BCAS3: variants seen among roughly 807,000 people sequenced by gnomAD.
BCAS3 encodes BCAS3 microtubule associated cell migration factor.
A neutral mutation model predicts 116.1 loss-of-function variants in BCAS3; 53 were observed. The observed-to-expected ratio is 0.46, with a 90% CI of 0.37 to 0.57. The LOEUF is 0.57. BCAS3 is among the 20% of genes least tolerant of loss of function. The probability of loss-of-function intolerance (pLI) is 0.00; values close to 1 mark genes in which losing one functional copy is unlikely to be tolerated. For missense variants in BCAS3, 917 were observed against 1,165.4 expected, an observed-to-expected ratio of 0.79 and a Z score of 3.10; for synonymous variants, 391 against 408.2, an observed-to-expected ratio of 0.96 and a Z score of 0.51.
In BCAS3 at chr17:61,007,808, GTA is replaced by G. The variant is rs2064823879; in HGVS notation, c.1487-7942_1487-7941del. Among the ~76,000 whole-genome samples the G allele has an allele frequency of 6.6e-6, 1 of 151,976 alleles. No homozygotes were observed. Among genetic ancestry groups the G allele is most frequent in the African/African-American group, 2.4e-5 (1 of 41,388 alleles). On this transcript the variant is annotated intron_variant, in intron 15 of 23. Transcript: ENST00000407086. The surrounding 1 kb of genome is among the most constrained non-coding windows in gnomAD (Gnocchi z 4.3). ...CTCACCCTTTCTCAAAGTACCTACA[GTA>G]ATGTCTATGGTGACGTGAACTTTTT...
chr17:61,084,521 C>G lies in BCAS3; in HGVS notation c.2382C>G (p.Val794=). 6.2e-7 allele frequency: 1 copy of G among 1,614,172 alleles called. No individual in the cohort carries two copies. The highest frequency in any genetic ancestry group is 8.5e-7 in the Non-Finnish European group (1 of 1,180,016). ...PVSMPGSSRP[V]SDRRGVSTVI... is the part of the protein sequence containing the mutation. ...GCATGCCAGGGTCATCCCGTCCAGT[C>G]TCTGATCGAAGGGGAGTTTCCACAG... The change falls in exon 22 of 24, where the codon GTC becomes GTG. Residue 794 remains valine (V), a synonymous_variant. Coordinates refer to ENST00000407086, the MANE Select transcript of BCAS3 (RefSeq NM_017679.5). The surrounding 1 kb of genome is among the most constrained non-coding windows in gnomAD (Gnocchi z 5.5).
chr17:61,032,331 T>G lies in BCAS3; in HGVS notation c.1638-2335T>G, dbSNP rs1435427621. On this transcript the variant is annotated intron_variant, in intron 16 of 23. Transcript: ENST00000407086. This position sits in a 1 kb window ranked among gnomAD's most constrained non-coding sequence, Gnocchi z 4.6. The stretch of plus-strand genomic sequence containing the variant: ...TAGTAGCTTTGTTCTCTGATGGTGA[T>G]TCTAGTAAAAGCACATAGTCGCACA... Among the ~76,000 whole-genome samples, 1 of 152,134 alleles carries G rather than the reference T, an allele frequency of 6.6e-6. No individual in the cohort carries two copies. Among genetic ancestry groups the G allele is most frequent in the Non-Finnish European group, 1.5e-5 (1 of 67,996 alleles).
At chr17:61,336,135 G>T (rs370652937) in intron 22 of BCAS3, among the ~76,000 whole-genome samples, 1 of 152,258 alleles carries the variant, frequency 6.6e-6, no homozygotes, top group Admixed American at 6.5e-5. Flanking sequence ...TCCCTGGTTT[G>T]CAAAGCAAAC....
chr17:61,079,842 C>T (rs964607919), intron 21 of BCAS3, among the ~76,000 whole-genome samples: 10 of 150,496 alleles, frequency 6.6e-5, no homozygotes, highest in Admixed American at 2.0e-4. Context: ...GTGATCCTCC[C>T]GCCTTGGCCT....
At position 60,995,490 on chromosome 17, in the gene BCAS3, G is replaced by A. The variant is rs11867712; in HGVS notation, c.1486+5255G>A. ...TTTTTGTATTTTAAGTAGAGACTGG[G>A]TTTCACAATGTTGGCCAGGCTGGTC... On this transcript the variant is annotated intron_variant, in intron 15 of 23. Coordinates refer to ENST00000407086, the MANE Select transcript of BCAS3 (RefSeq NM_017679.5). This position sits in a 1 kb window ranked among gnomAD's most constrained non-coding sequence, Gnocchi z 4.7. 1.8e-3 allele frequency among the ~76,000 whole-genome samples: 278 copies of A among 151,750 alleles called. 2 individuals are homozygous for A. Among genetic ancestry groups the A allele is most frequent in the Middle Eastern group, 0.014 (4 of 294 alleles).
intron 22 of BCAS3, among the ~76,000 whole-genome samples, chr17:61,247,306 T>C (rs1159828219): frequency 1.3e-5 from 2 of 152,174 alleles, no homozygotes; most frequent in African/African-American, 4.8e-5. Flanking sequence ...AGGAAAACAC[T>C]TGAAAACTAG....
rs1055758590 is a variant in BCAS3 at position 61,214,133 on chromosome 17, C to T, written c.2425+129569C>T. ...CTGTAATCCCAGCATTTTGGGAGAC[C>T]TCACAAGGATCACGTGAGGTCAGGA... On this transcript the variant is annotated intron_variant, in intron 22 of 23. Coordinates refer to ENST00000407086, the MANE Select transcript of BCAS3 (RefSeq NM_017679.5). The surrounding 1 kb of genome is among the most constrained non-coding windows in gnomAD (Gnocchi z 4.4). Among the ~76,000 whole-genome samples the T allele has an allele frequency of 6.6e-6, 1 of 151,978 alleles. No individual in the cohort carries two copies. Among genetic ancestry groups the T allele is most frequent in the African/African-American group, 2.4e-5 (1 of 41,362 alleles).
intron 6 of BCAS3, among the ~76,000 whole-genome samples, chr17:60,779,632 G>A (rs1374932083): frequency 6.6e-6 from 1 of 152,174 alleles, no homozygotes; most frequent in Non-Finnish European, 1.5e-5. Context: ...GCCTCCCAAA[G>A]TACTGGGATT....
At chr17:61,206,594 G>C (rs1461902984) in intron 22 of BCAS3, among the ~76,000 whole-genome samples, 1 of 151,962 alleles carries the variant, frequency 6.6e-6, no homozygotes, top group Non-Finnish European at 1.5e-5. Context: ...GAGGTCAGGA[G>C]TTCGAGACCA....
rs57701817 is a variant in BCAS3, at chr17:61,338,888, GAAAAAAAAAAAAAA to G, written c.2426-29424_2426-29411del. Among the ~76,000 whole-genome samples the G allele has an allele frequency of 3.6e-3, 242 of 67,332 alleles. 2 individuals carry two copies. Among genetic ancestry groups the G allele is most frequent in the African/African-American group, 7.0e-3 (152 of 21,666 alleles). 44.2% of individuals were successfully genotyped at this position (67,332 alleles called of 152,430 possible). Reference sequence around the variant, plus strand: ...GAAGCCTATCTGGTGCCCTTACTGGGAAAAAAAAAAAAAAAAAAAAAAAAAAAAGCAGAAAGGAA... The same window carrying G: ...GAAGCCTATCTGGTGCCCTTACTGGGAAAAAAAAAAAAAAGCAGAAAGGAA... On this transcript the variant is annotated intron_variant, in intron 22 of 23. Transcript: ENST00000407086.
rs1310441190 is a variant in BCAS3, at chr17:60,967,517, C to G, written c.1221+20165C>G. On this transcript the variant is annotated intron_variant, in intron 14 of 23. Coordinates refer to ENST00000407086, the MANE Select transcript of BCAS3 (RefSeq NM_017679.5). This position sits in a 1 kb window ranked among gnomAD's most constrained non-coding sequence, Gnocchi z 4.7. ...TTTCATTATTATACGTGTTAGAGTA[C>G]TTTTATTTGGGTTGAGTGTTGTTCT... 6.6e-6 allele frequency among the ~76,000 whole-genome samples: 1 copy of G among 152,118 alleles called. No individual in the cohort carries two copies. The highest frequency in any genetic ancestry group is 1.5e-5 in the Non-Finnish European group (1 of 68,030).
intron 7 of BCAS3, among the ~76,000 whole-genome samples, chr17:60,808,813 A>G (rs748190066): frequency 7.9e-5 from 12 of 152,240 alleles, no homozygotes; most frequent in South Asian, 4.1e-4. Flanking sequence ...TATGACAGGA[A>G]TGCAGAGAAG....
chr17:61,049,730 C>CTTTTTTTTTTT (rs1027378849), intron 19 of BCAS3, among the ~76,000 whole-genome samples: 26 of 120,812 alleles, frequency 2.2e-4, no homozygotes, highest in Admixed American at 3.2e-4. Context: ...CTTTTCTTTT[C>CTTTTTTTTTTT]TTTTTTTTTT....
intron 6 of BCAS3, among the ~76,000 whole-genome samples, chr17:60,776,657 T>G (rs1212320490): frequency 6.8e-6 from 1 of 147,314 alleles, no homozygotes; most frequent in Admixed American, 7.0e-5. Context: ...AGATGGAGAT[T>G]GCAGTGAGCC....
chr17:61,234,783 G>GA (rs71148395), intron 22 of BCAS3, among the ~76,000 whole-genome samples: 2,821 of 143,064 alleles, frequency 0.02, 46 homozygotes, highest in African/African-American at 0.042. Flanking sequence ...GCTTTTTCCA[G>GA]AAAAAAAAAA....
In BCAS3 at chr17:61,077,582, G is replaced by A. The variant is rs1407907875; in HGVS notation, c.2131-751G>A. 6.6e-6 allele frequency among the ~76,000 whole-genome samples: 1 copy of A among 152,072 alleles called. No homozygotes were observed. Among genetic ancestry groups the A allele is most frequent in the Admixed American group, 6.5e-5 (1 of 15,268 alleles). On this transcript the variant is annotated intron_variant, in intron 20 of 23. Coordinates refer to ENST00000407086, the MANE Select transcript of BCAS3 (RefSeq NM_017679.5). This position sits in a 1 kb window ranked among gnomAD's most constrained non-coding sequence, Gnocchi z 4.3. ...CAACATTCCCTATCCCCCCCATTGA[G>A]CGTGAAATTCATAAAGCATTTTGGT... is the stretch of plus-strand genomic sequence containing the variant.
intron 22 of BCAS3, among the ~76,000 whole-genome samples, chr17:61,341,710 T>C (rs1341061064): frequency 6.6e-6 from 1 of 152,260 alleles, no homozygotes; most frequent in South Asian, 2.1e-4. Context: ...AAAGCCGCAA[T>C]GGTTGTTATC....
chr17:60,753,503 G>A (rs993902733), intron 6 of BCAS3, among the ~76,000 whole-genome samples: 5 of 151,288 alleles, frequency 3.3e-5, no homozygotes, highest in Non-Finnish European at 5.9e-5. Flanking sequence ...TCTGCCTCCC[G>A]GGTTCCCGCC....
At chr17:60,816,663 G>A (rs1459054180) in intron 7 of BCAS3, among the ~76,000 whole-genome samples, 1 of 152,182 alleles carries the variant, frequency 6.6e-6, no homozygotes, top group African/African-American at 2.4e-5. Context: ...TAAAAATACA[G>A]AGATGAATCT....
Sources: gnomAD v4.1 joint callset for allele counts (sites outside exome capture counted in the v4.1 genomes callset) on GRCh38, gnomAD v4.1.1 for gene constraint, Gnocchi (gnomAD v3.1) non-coding constraint, MANE v1.5 for transcripts, NCBI Gene and HGNC (gene_info 2026-07-23, HGNC 2026-07-21) for gene names.